The following GFPT2 variants were observed in gnomAD, a reference collection of about 807,000 sequenced individuals.
GFPT2 encodes the protein glutamine--fructose-6-phosphate transaminase 2.
A neutral mutation model predicts 85.6 loss-of-function variants in GFPT2; 62 were observed. That is an observed-to-expected ratio of 0.72 (90% CI 0.59 to 0.90). The LOEUF (loss-of-function observed/expected upper bound fraction) is 0.90. Ranked by LOEUF, GFPT2 falls within the 40% of genes least tolerant of loss-of-function variation. The pLI is 0.00. For missense variants in GFPT2, 788 were observed against 893.4 expected, an observed-to-expected ratio of 0.88 and a Z score of 1.50; for synonymous variants, 368 against 344.5, an observed-to-expected ratio of 1.07 and a Z score of -0.75.
chr5:180,317,029 TCTC>T lies in GFPT2; in HGVS notation c.985_987del (p.Glu329del). On this transcript the variant is annotated inframe_deletion, in exon 11 of 19. Transcript: ENST00000253778. ...AAAACTGATTCTGGCTGTTCGAAGATCTCCTTCTGCATAAACGCACTGAAGTTA... is the reference window on the plus strand; with the variant it reads ...AAAACTGATTCTGGCTGTTCGAAGATCTTCTGCATAAACGCACTGAAGTTA... 6.2e-7 allele frequency: 1 copy of T among 1,611,174 alleles called. No individual in the cohort carries two copies. Among genetic ancestry groups the T allele is most frequent in the Non-Finnish European group, 8.5e-7 (1 of 1,177,256 alleles).
Position 180,323,763 on chromosome 5 carries a change from C to G in GFPT2, c.794+425G>C, listed in dbSNP as rs576231384. Among the ~76,000 whole-genome samples, 1 of 152,178 alleles carries G rather than the reference C, an allele frequency of 6.6e-6. No individual in the cohort carries two copies. Among genetic ancestry groups the G allele is most frequent in the Non-Finnish European group, 1.5e-5 (1 of 68,032 alleles). On this transcript the variant is annotated intron_variant, in intron 9 of 18. Transcript: ENST00000253778. The surrounding 1 kb of genome is among the most constrained non-coding windows in gnomAD (Gnocchi z 4.0). Reference sequence around the variant, plus strand: ...CATGGGAGGGACTGAGGTCTAGACACAGTTGTCTCATCTAAAGGGGGCAGC... The same window carrying G: ...CATGGGAGGGACTGAGGTCTAGACAGAGTTGTCTCATCTAAAGGGGGCAGC...
Position 180,328,361 on chromosome 5 carries a change from G to A in GFPT2, c.535-23C>T. On this transcript the variant is annotated intron_variant, in intron 6 of 18. Coordinates refer to ENST00000253778, the MANE Select transcript of GFPT2 (RefSeq NM_005110.4). This position sits in a 1 kb window ranked among gnomAD's most constrained non-coding sequence, Gnocchi z 5.4. ...TTCCTGAAAACACACAAACAGTGAG[G>A]GTCAACGCGTTCCAGCAGCCGCTGC... The A allele has an allele frequency of 6.3e-7, 1 of 1,595,798 alleles. No individual in the cohort carries two copies. Among genetic ancestry groups the A allele is most frequent in the Non-Finnish European group, 8.6e-7 (1 of 1,163,914 alleles).
chr5:180,318,168 C>A lies in GFPT2; in HGVS notation c.958+625G>T, dbSNP rs61519718. On this transcript the variant is annotated intron_variant, in intron 10 of 18. Transcript: ENST00000253778. This position sits in a 1 kb window ranked among gnomAD's most constrained non-coding sequence, Gnocchi z 4.2. Reference sequence around the variant, plus strand: ...ATGAGAAGAACAGCGAATGCAGGGGCTGTGGCGGGGCACAGTGGGACAGAG... The same window carrying A: ...ATGAGAAGAACAGCGAATGCAGGGGATGTGGCGGGGCACAGTGGGACAGAG... Among the ~76,000 whole-genome samples, 3,597 of 152,122 alleles carry A rather than the reference C, an allele frequency of 0.024. 153 individuals are homozygous for A. Among genetic ancestry groups the A allele is most frequent in the African/African-American group, 0.083 (3,425 of 41,490 alleles).
At chr5:180,322,192 A>G (rs1392409180) in intron 9 of GFPT2, among the ~76,000 whole-genome samples, 1 of 152,114 alleles carries the variant, frequency 6.6e-6, no homozygotes, top group Admixed American at 6.5e-5. Context: ...TGTTGAGTGC[A>G]TTAATTTTTG....
chr5:180,326,196 GCGGTT>G (rs1764209382), intron 7 of GFPT2, among the ~76,000 whole-genome samples: 1 of 152,162 alleles, frequency 6.6e-6, no homozygotes, highest in South Asian at 2.1e-4. Flanking sequence ...CTCTAAACCT[GCGGTT>G]CTTCAAAACC....
At chr5:180,333,685 T>G (rs1764349534) in intron 4 of GFPT2, among the ~76,000 whole-genome samples, 1 of 152,226 alleles carries the variant, frequency 6.6e-6, no homozygotes, top group African/African-American at 2.4e-5. Flanking sequence ...TGCTGGGCGT[T>G]CAGACTTCCT....
rs145393168 is a variant in GFPT2 at position 180,319,309 on chromosome 5, A to G, written c.795-353T>C. On this transcript the variant is annotated intron_variant, in intron 9 of 18. Transcript: ENST00000253778. The stretch of plus-strand genomic sequence containing the variant: ...TATTCAGCATGTTTACATATCTCCA[A>G]TAATCTCACGGCTGTCTTTTTATAA... 5.2e-3 allele frequency among the ~76,000 whole-genome samples: 790 copies of G among 152,322 alleles called. 20 individuals are homozygous for G. Among genetic ancestry groups the G allele is most frequent in the Admixed American group, 0.046 (708 of 15,296 alleles).
chr5:180,336,776 G>A (rs75006305), intron 2 of GFPT2, among the ~76,000 whole-genome samples, 199 bp from the exon 3 acceptor site: 1,599 of 152,338 alleles, frequency 0.01, 27 homozygotes, highest in African/African-American at 0.036. Context: ...GGAAGCCCCT[G>A]CCTCCTCCAG....
intron 1 of GFPT2, among the ~76,000 whole-genome samples, chr5:180,349,989 A>G (rs1258284437): frequency 1.3e-5 from 2 of 151,836 alleles, no homozygotes; most frequent in Non-Finnish European, 2.9e-5. Flanking sequence ...ATCCCCATGC[A>G]TGCCTGGTCC....
chr5:180,340,156 G>A (rs1238563292), intron 1 of GFPT2, among the ~76,000 whole-genome samples: 3 of 151,942 alleles, frequency 2.0e-5, no homozygotes, highest in Non-Finnish European at 4.4e-5. Context: ...AACCTCATAC[G>A]GTGGAAGGGG....
rs2127652400 is a variant in GFPT2, at chr5:180,324,796, G to C, written c.676+20C>G. ...CGACACCAGCAGCTGTGCTGTTCCGGTACTTCTTGAGAAACTTACACGTCC... is the reference window on the plus strand; with the variant it reads ...CGACACCAGCAGCTGTGCTGTTCCGCTACTTCTTGAGAAACTTACACGTCC... On this transcript the variant is annotated intron_variant, in intron 8 of 18. Transcript: ENST00000253778. The C allele has an allele frequency of 6.7e-7, 1 of 1,483,328 alleles. No homozygotes were observed. Among genetic ancestry groups the C allele is most frequent in the Non-Finnish European group, 9.4e-7 (1 of 1,060,680 alleles). The allele number at this position is 1,483,328 out of a possible 1,614,324, so 91.9% of individuals were successfully genotyped here. A position where few individuals can be genotyped will look rare whatever the true frequency, so the allele number is the denominator to read the frequency against.
chr5:180,345,802 G>C (rs1581390894), intron 1 of GFPT2, among the ~76,000 whole-genome samples: 1 of 152,190 alleles, frequency 6.6e-6, no homozygotes, highest in Non-Finnish European at 1.5e-5. Flanking sequence ...GTCTGAGACA[G>C]CCACGTTCAG....
chr5:180,320,582 G>A (rs1310209557), intron 9 of GFPT2, among the ~76,000 whole-genome samples: 1 of 151,924 alleles, frequency 6.6e-6, no homozygotes, highest in African/African-American at 2.4e-5. Flanking sequence ...AGACCAGCCT[G>A]GCCAACATGG....
At position 180,313,900 on chromosome 5, in the gene GFPT2, G is replaced by T; in HGVS notation, c.1338C>A (p.Gly446=). ...TGGAGCTGCCCACGGTGTTGGTGACGCCCACGGTGAGAGCGCCGCGGTCCT... is the reference window on the plus strand; with the variant it reads ...TGGAGCTGCCCACGGTGTTGGTGACTCCCACGGTGAGAGCGCCGCGGTCCT... ...YCKDRGALTV[G]VTNTVGSSIS... Residue 446 remains glycine, a synonymous_variant, in exon 14 of 19, where the codon GGC becomes GGA. Coordinates refer to ENST00000253778, the MANE Select transcript of GFPT2 (RefSeq NM_005110.4). 6.2e-7 allele frequency: 1 copy of T among 1,606,748 alleles called. No individual in the cohort carries two copies. The highest frequency in any genetic ancestry group is 2.2e-5 in the East Asian group (1 of 44,834).
intron 15 of GFPT2, among the ~76,000 whole-genome samples, chr5:180,308,990 C>T (rs1763828150): frequency 6.6e-6 from 1 of 152,044 alleles, no homozygotes; most frequent in Non-Finnish European, 1.5e-5. Context: ...CTGCCTCAGC[C>T]TCCTGAGTAG....
chr5:180,332,868 A>C (rs553660242), intron 4 of GFPT2, among the ~76,000 whole-genome samples: 51 of 152,186 alleles, frequency 3.4e-4, no homozygotes, highest in African/African-American at 1.2e-3. Flanking sequence ...CCTTCTTTGG[A>C]TATCCAACTC....
chr5:180,321,588 G>A (rs915816342), intron 9 of GFPT2, among the ~76,000 whole-genome samples: 13 of 152,286 alleles, frequency 8.5e-5, no homozygotes, highest in East Asian at 1.9e-4. Flanking sequence ...CTCTCATACC[G>A]TGCCCCGCAC....
intron 1 of GFPT2, among the ~76,000 whole-genome samples, chr5:180,348,593 G>A (rs980645927): frequency 6.6e-5 from 10 of 152,240 alleles, no homozygotes; most frequent in African/African-American, 2.4e-4. Context: ...GGGTAAGAAG[G>A]GGACTTGGCT....
intron 1 of GFPT2, among the ~76,000 whole-genome samples, chr5:180,345,684 C>A (rs576974140): frequency 6.6e-6 from 1 of 152,316 alleles, no homozygotes; most frequent in African/African-American, 2.4e-5. Context: ...TTGCTGAGTC[C>A]CCAGCACCTG....
Sources: gnomAD v4.1 joint callset for allele counts (sites outside exome capture counted in the v4.1 genomes callset) on GRCh38, gnomAD v4.1.1 for gene constraint, Gnocchi (gnomAD v3.1) non-coding constraint, MANE v1.5 for transcripts, NCBI Gene and HGNC (gene_info 2026-07-23, HGNC 2026-07-21) for gene names.